The following ZMAT4 variants were observed in gnomAD, a reference collection of about 807,000 sequenced individuals.
ZMAT4 encodes zinc finger matrin-type protein 4.
In ZMAT4, 17 loss-of-function variants were observed where a neutral mutation model predicts 28.7. The ratio of observed to expected loss-of-function variants is 0.59; its 90% CI spans 0.41 to 0.89. The LOEUF is 0.89. ZMAT4 is among the 40% of genes least tolerant of loss of function. ZMAT4 has a pLI of 0.00. For missense variants in ZMAT4, 240 were observed against 283.8 expected (o/e 0.85, Z 1.11); for synonymous variants, 117 against 109.2 (o/e 1.07, Z -0.44).
chr8:40,574,120 C>G (rs1008897648), intron 6 of ZMAT4, among the ~76,000 whole-genome samples: 1 of 152,062 alleles, frequency 6.6e-6, no homozygotes, highest in Non-Finnish European at 1.5e-5. Context: ...TATTATCACA[C>G]TAACCTTCCA....
intron 3 of ZMAT4, among the ~76,000 whole-genome samples, chr8:40,710,184 T>TATTTAAAGATGGGGAGACA (rs1810543233): frequency 6.6e-6 from 1 of 152,142 alleles, no homozygotes; most frequent in Non-Finnish European, 1.5e-5. Flanking sequence ...AGATACAGCA[T>TATTTAAAGATGGGGAGACA]ATTTAAAGAT....
At chr8:40,794,165 T>G (rs1014821970) in intron 2 of ZMAT4, among the ~76,000 whole-genome samples, 1 of 152,202 alleles carries the variant, frequency 6.6e-6, no homozygotes, top group Non-Finnish European at 1.5e-5. Context: ...TTAGTGTTGA[T>G]GCATAATGTG....
chr8:40,809,558 T>C (rs982435738), intron 2 of ZMAT4, among the ~76,000 whole-genome samples: 1 of 152,194 alleles, frequency 6.6e-6, no homozygotes, highest in Admixed American at 6.5e-5. Context: ...AAAAGACTAA[T>C]GATTAAACCT....
At chr8:40,688,591 A>G (rs910075601) in intron 4 of ZMAT4, among the ~76,000 whole-genome samples, 2 of 152,218 alleles carry the variant, frequency 1.3e-5, no homozygotes, top group Non-Finnish European at 2.9e-5. Context: ...TTATGATTAG[A>G]GCCATAAACT....
chr8:40,609,842 T>TA (rs1805731441), intron 5 of ZMAT4, among the ~76,000 whole-genome samples: 1 of 152,178 alleles, frequency 6.6e-6, no homozygotes, highest in Non-Finnish European at 1.5e-5. Flanking sequence ...TTTGAGGAGA[T>TA]ACTCTGTGTT....
At chr8:40,740,711 A>G (rs545241171) in intron 3 of ZMAT4, among the ~76,000 whole-genome samples, 1 of 152,330 alleles carries the variant, frequency 6.6e-6, no homozygotes, top group East Asian at 1.9e-4. Context: ...ACAGACCTCT[A>G]GGACTGTGCA....
At chr8:40,850,579 C>G (rs1404843336) in intron 1 of ZMAT4, among the ~76,000 whole-genome samples, 1 of 152,196 alleles carries the variant, frequency 6.6e-6, no homozygotes, top group African/African-American at 2.4e-5. Flanking sequence ...TCCCCACTGA[C>G]AGGCACACAA....
chr8:40,781,786 AAAAAAG>A (rs1813845265), intron 2 of ZMAT4, among the ~76,000 whole-genome samples: 1 of 148,946 alleles, frequency 6.7e-6, no homozygotes, highest in South Asian at 2.1e-4. Flanking sequence ...AAAAAAAAAA[AAAAAAG>A]AAAAGAATCC....
At chr8:40,601,441 G>GAAGGAAGGAAGGGAGGAAGA (rs1805308827) in intron 5 of ZMAT4, among the ~76,000 whole-genome samples, 1 of 116,914 alleles carries the variant, frequency 8.6e-6, no homozygotes, top group Non-Finnish European at 1.7e-5. Flanking sequence ...AGGAAGGAAG[G>GAAGGAAGGAAGGGAGGAAGA]AAGGAAGGAA....
intron 3 of ZMAT4, among the ~76,000 whole-genome samples, chr8:40,703,676 G>A (rs988761963): frequency 6.6e-6 from 1 of 152,140 alleles, no homozygotes; most frequent in South Asian, 2.1e-4. Context: ...GCAGTCACAC[G>A]GCTCTGTGAA....
At chr8:40,609,089 C>T (rs1245424559) in intron 5 of ZMAT4, among the ~76,000 whole-genome samples, 1 of 152,204 alleles carries the variant, frequency 6.6e-6, no homozygotes, top group Non-Finnish European at 1.5e-5. Flanking sequence ...TGCCTCCTAT[C>T]TGCCATTTTC....
chr8:40,718,927 G>T (rs950349337), intron 3 of ZMAT4, among the ~76,000 whole-genome samples: 2 of 152,050 alleles, frequency 1.3e-5, no homozygotes, highest in Non-Finnish European at 2.9e-5. Flanking sequence ...ACTTTCCAAG[G>T]TTCCCCTGTG....
At chr8:40,776,324 G>A (rs373164345) in intron 2 of ZMAT4, among the ~76,000 whole-genome samples, 7 of 152,318 alleles carry the variant, frequency 4.6e-5, no homozygotes, top group East Asian at 1.9e-4. Context: ...GCAAATTTTT[G>A]CTGGAGAAAA....
chr8:40,849,026 G>C (rs1817007315), intron 1 of ZMAT4, among the ~76,000 whole-genome samples: 1 of 152,234 alleles, frequency 6.6e-6, no homozygotes, highest in Non-Finnish European at 1.5e-5. Context: ...AGCCATGCGG[G>C]AGGACAAGCT....
chr8:40,705,345 G>A (rs924305584), intron 3 of ZMAT4, among the ~76,000 whole-genome samples: 2 of 152,082 alleles, frequency 1.3e-5, no homozygotes, highest in East Asian at 1.9e-4. Context: ...AGAGGGGCCC[G>A]AGAGAGCAAA....
chr8:40,871,683 C>T (rs890677109), intron 1 of ZMAT4, among the ~76,000 whole-genome samples: 7 of 152,178 alleles, frequency 4.6e-5, no homozygotes, highest in Non-Finnish European at 8.8e-5. Flanking sequence ...TAAGACAACC[C>T]ACCCGCTAGC....
chr8:40,691,676 T>C (rs895685715), intron 4 of ZMAT4, among the ~76,000 whole-genome samples: 1 of 152,200 alleles, frequency 6.6e-6, no homozygotes, highest in African/African-American at 2.4e-5. Flanking sequence ...TTACATACAA[T>C]AATATATCCA....
intron 5 of ZMAT4, among the ~76,000 whole-genome samples, chr8:40,634,511 T>C (rs1806719584): frequency 6.6e-6 from 1 of 152,218 alleles, no homozygotes; most frequent in Non-Finnish European, 1.5e-5. Context: ...AGAAAGATTA[T>C]TTCCACATCC....
intron 5 of ZMAT4, among the ~76,000 whole-genome samples, chr8:40,642,317 T>C (rs771789809): frequency 1.3e-5 from 2 of 152,144 alleles, no homozygotes; most frequent in South Asian, 4.1e-4. Flanking sequence ...TTCAATAATA[T>C]AGGGTATCCA....
Sources: allele counts gnomAD v4.1 joint callset (sites outside exome capture counted in the v4.1 genomes callset), GRCh38; gene constraint gnomAD v4.1.1; transcripts MANE v1.5; gene names NCBI Gene and HGNC (gene_info 2026-07-23, HGNC 2026-07-21).